Variants in SRSF12 observed in about 807,000 individuals in gnomAD.
The protein encoded by SRSF12 is serine/arginine-rich splicing factor 12.
In SRSF12, 21 loss-of-function variants were observed where a neutral mutation model predicts 34.1. The observed-to-expected ratio is 0.62, with a 90% CI of 0.44 to 0.89. The LOEUF (loss-of-function observed/expected upper bound fraction) is 0.89, where lower values mean the gene tolerates loss of function less well. Ranked by LOEUF, SRSF12 falls within the 40% of genes least tolerant of loss-of-function variation. SRSF12 has a pLI of 0.00. For missense variants in SRSF12, 278 were observed against 327.8 expected, an observed-to-expected ratio of 0.85 and a Z score of 1.17; for synonymous variants, 111 against 110.8, an observed-to-expected ratio of 1.00 and a Z score of -0.01.
intron 4 of SRSF12, among the ~76,000 whole-genome samples, chr6:89,099,642 T>C (rs1244978473): frequency 6.6e-6 from 1 of 151,756 alleles, no homozygotes; most frequent in Non-Finnish European, 1.5e-5. Flanking sequence ...TTTGAGCAAT[T>C]CTTCTCTCTC....
At position 89,104,016 on chromosome 6, in the gene SRSF12, T is replaced by TTTG. The variant is rs1156633258; in HGVS notation, c.416+1102_416+1103insCAA. On this transcript the variant is annotated intron_variant, in intron 4 of 4. Transcript: ENST00000452027. Reference sequence around the variant, plus strand: ...CTTTTTTTTTTTTTTTTTTTTTTTTTTGGAGAGACGGAGTCTCACCATGTT... The same window carrying TTTG: ...CTTTTTTTTTTTTTTTTTTTTTTTTTTTGTGGAGAGACGGAGTCTCACCATGTT... 1.3e-3 allele frequency among the ~76,000 whole-genome samples: 94 copies of TTTG among 69,910 alleles called. 2 individuals are homozygous for TTTG. Among genetic ancestry groups the TTTG allele is most frequent in the African/African-American group, 4.3e-3 (91 of 21,404 alleles). The allele number at this position is 69,910 out of a possible 152,430, so 45.9% of individuals were successfully genotyped here.
chr6:89,103,402 C>A (rs1388868456), intron 4 of SRSF12, among the ~76,000 whole-genome samples: 1 of 151,550 alleles, frequency 6.6e-6, no homozygotes, highest in East Asian at 1.9e-4. Flanking sequence ...GATCTCAGCT[C>A]ACTGCAACCT....
In SRSF12 at chr6:89,117,734, A is replaced by G. The variant is rs376996089; in HGVS notation, c.65+89T>C. ...GGGGAGGCTCCGCGCAGCTCCCCCG[A>G]GCCTCCGCCGGGCCTCGGCCGTGCT... On this transcript the variant is annotated intron_variant, in intron 1 of 4. Transcript: ENST00000452027. 3.7e-4 allele frequency: 486 copies of G among 1,319,720 alleles called. 6 individuals are homozygous for G. In the African/African-American group the frequency reaches 6.0e-3, roughly 16 times the overall value. The allele number at this position is 1,319,720 out of a possible 1,614,324, so 81.8% of individuals were successfully genotyped here. A position where few individuals can be genotyped will look rare whatever the true frequency, so the allele number is the denominator to read the frequency against.
chr6:89,117,984 C>G lies in SRSF12; in HGVS notation c.-97G>C, dbSNP rs1217990341. The G allele has an allele frequency of 3.0e-6, 4 of 1,319,834 alleles. No individual in the cohort carries two copies. Among genetic ancestry groups the G allele is most frequent in the South Asian group, 1.4e-5 (1 of 73,980 alleles). The allele number at this position is 1,319,834 out of a possible 1,614,324, so 81.8% of individuals were successfully genotyped here. Reference sequence around the variant, plus strand: ...ACCACCACAGGAGCTCCGCCGGCCCCCGGCGCGACCCCCACCCCTCGGCCT... The same window carrying G: ...ACCACCACAGGAGCTCCGCCGGCCCGCGGCGCGACCCCCACCCCTCGGCCT... On this transcript the variant is annotated 5_prime_UTR_variant, in exon 1 of 5. Transcript: ENST00000452027.
chr6:89,098,617 A>G lies in SRSF12; in HGVS notation c.747T>C (p.His249=). 1 of 1,613,676 alleles carries G rather than the reference A, an allele frequency of 6.2e-7. No individual in the cohort carries two copies. Among genetic ancestry groups the G allele is most frequent in the Non-Finnish European group, 8.5e-7 (1 of 1,179,582 alleles). The change falls in exon 5 of 5, where the codon CAT becomes CAC. Residue 249 remains histidine, a synonymous_variant. Coordinates refer to ENST00000452027, the MANE Select transcript of SRSF12 (RefSeq NM_080743.5). ...QTAKHSHFRS[H]SRSRSYRHKN... is the part of the protein sequence containing the mutation. ...TATGACGATAACTTCGAGATCTGGA[A>G]TGTGACCGAAAATGAGAATGCTTTG...
chr6:89,109,912 AAAC>A (rs1300433107), intron 1 of SRSF12, among the ~76,000 whole-genome samples: 1 of 152,148 alleles, frequency 6.6e-6, no homozygotes, highest in African/African-American at 2.4e-5. Context: ...TAAGAGGGTG[AAAC>A]CCCATCTCTA....
intron 4 of SRSF12, among the ~76,000 whole-genome samples, chr6:89,101,275 G>A (rs575941413): frequency 1.8e-4 from 28 of 152,188 alleles, no homozygotes; most frequent in Non-Finnish European, 3.8e-4. Flanking sequence ...TAAGGCAGAA[G>A]CAATATTTGA....
chr6:89,100,181 G>A (rs541161270), intron 4 of SRSF12, among the ~76,000 whole-genome samples: 24 of 152,304 alleles, frequency 1.6e-4, no homozygotes, highest in Non-Finnish European at 3.2e-4. Flanking sequence ...GTATGGAAGA[G>A]ATTCCAAGGG....
intron 1 of SRSF12, among the ~76,000 whole-genome samples, chr6:89,112,462 T>C (rs1267532119): frequency 1.3e-5 from 2 of 150,820 alleles, no homozygotes; most frequent in Non-Finnish European, 3.0e-5. Context: ...TTTTTTTTTT[T>C]TGGAGACAGG....
At position 89,096,552 on chromosome 6, in the gene SRSF12, A is replaced by G. The variant is rs113793075; in HGVS notation, c.*2026T>C. The G allele has an allele frequency of 2.0e-5, 3 of 152,254 alleles. No homozygotes were observed. Among genetic ancestry groups the G allele is most frequent in the Non-Finnish European group, 4.4e-5 (3 of 68,042 alleles). 9.4% of individuals were successfully genotyped at this position (152,254 alleles called of 1,614,324 possible). A position where few individuals can be genotyped will look rare whatever the true frequency, so the allele number is the denominator to read the frequency against. ...GCCCAGGGATTACAATGACAAACCT[A>G]GTCAGAGGTAAATCAAAGGATTAAA... On this transcript the variant is annotated 3_prime_UTR_variant, in exon 5 of 5. Transcript: ENST00000452027.
chr6:89,099,912 C>A (rs902363386), intron 4 of SRSF12, among the ~76,000 whole-genome samples: 2 of 152,140 alleles, frequency 1.3e-5, no homozygotes, highest in African/African-American at 4.8e-5. Flanking sequence ...TCAACACAAG[C>A]AGGAAGAACC....
At chr6:89,115,105 A>G (rs1199460104) in intron 1 of SRSF12, among the ~76,000 whole-genome samples, 2 of 149,114 alleles carry the variant, frequency 1.3e-5, no homozygotes, top group East Asian at 4.0e-4. Flanking sequence ...CACAGCTTTT[A>G]TTTTTTTAGA....
intron 1 of SRSF12, 70 bp downstream of exon 1, chr6:89,117,752 GC>G (rs1769381749): frequency 6.9e-7 from 1 of 1,455,722 alleles, no homozygotes; most frequent in African/African-American, 1.5e-5. Flanking sequence ...CCGGGCCTCG[GC>G]CGTGCTCCGC....
chr6:89,105,598 C>A, intron 2 of SRSF12, 68 bp from the exon 3 acceptor site: 1 of 1,140,460 alleles, frequency 8.8e-7, no homozygotes. Flanking sequence ...GCATTATTTA[C>A]ATGTGAAATG....
Position 89,104,674 on chromosome 6 carries a change from G to A in SRSF12, c.416+445C>T, listed in dbSNP as rs560799322. On this transcript the variant is annotated intron_variant, in intron 4 of 4. Coordinates refer to ENST00000452027, the MANE Select transcript of SRSF12 (RefSeq NM_080743.5). ...GTTAAATAACAATATATGATAAATAGAGAAGAGTGTTATCTTTTAACAAAA... is the reference window on the plus strand; with the variant it reads ...GTTAAATAACAATATATGATAAATAAAGAAGAGTGTTATCTTTTAACAAAA... 1.4e-4 allele frequency among the ~76,000 whole-genome samples: 21 copies of A among 152,136 alleles called. 1 individual carries two copies. The South Asian group carries it at 4.1e-3, about 30-fold the overall frequency.
intron 1 of SRSF12, among the ~76,000 whole-genome samples, chr6:89,111,270 T>C (rs1167524509): frequency 2.0e-5 from 3 of 152,142 alleles, no homozygotes; most frequent in African/African-American, 7.2e-5. Context: ...CAGCACACCT[T>C]GTTTATTCTA....
chr6:89,100,755 A>G (rs1272557807), intron 4 of SRSF12, among the ~76,000 whole-genome samples: 2 of 152,244 alleles, frequency 1.3e-5, no homozygotes, highest in African/African-American at 4.8e-5. Context: ...AAAATATATG[A>G]TATCTGAAAT....
At chr6:89,100,618 C>A (rs1646449162) in intron 4 of SRSF12, among the ~76,000 whole-genome samples, 1 of 149,762 alleles carries the variant, frequency 6.7e-6, no homozygotes, top group Admixed American at 6.6e-5. Flanking sequence ...CATCATCAAA[C>A]AGGAATTTAA....
At chr6:89,109,158 T>G (rs1768928164) in intron 1 of SRSF12, among the ~76,000 whole-genome samples, 1 of 152,140 alleles carries the variant, frequency 6.6e-6, no homozygotes, top group Non-Finnish European at 1.5e-5. Flanking sequence ...ACTGTAATCA[T>G]CTGTGAAGGG....
Sources: gnomAD v4.1 joint callset for allele counts (sites outside exome capture counted in the v4.1 genomes callset) on GRCh38, gnomAD v4.1.1 for gene constraint, MANE v1.5 for transcripts, NCBI Gene and HGNC (gene_info 2026-07-23, HGNC 2026-07-21) for gene names.